PIK3C2G: variants seen among roughly 807,000 people sequenced by gnomAD.
PIK3C2G encodes phosphatidylinositol-4-phosphate 3-kinase catalytic subunit type 2 gamma.
Under a neutral mutation model 181.1 loss-of-function variants are expected in PIK3C2G, and 168 were observed. The ratio of observed to expected loss-of-function variants is 0.93; its 90% CI spans 0.82 to 1.05. The LOEUF (loss-of-function observed/expected upper bound fraction) is 1.05, where lower values mean the gene tolerates loss of function less well. Ranked by LOEUF, PIK3C2G falls within the 50% of genes least tolerant of loss-of-function variation. The pLI is 0.00. For missense variants in PIK3C2G, 1,869 were observed against 1,732.8 expected (o/e 1.08, Z -1.40); for synonymous variants, 573 against 592.2 (o/e 0.97, Z 0.47).
the PIK3C2G span, among the ~76,000 whole-genome samples, chr12:18,656,420 G>A: frequency 6.6e-6 from 1 of 152,058 alleles, no homozygotes; most frequent in Non-Finnish European, 1.5e-5. Context: ...ACAAAAATTA[G>A]CTGGGCATGG....
downstream of PIK3C2G, among the ~76,000 whole-genome samples, chr12:18,650,704 G>GTGTATATATATA (rs1950446696): frequency 1.7e-5 from 1 of 57,762 alleles, no homozygotes; most frequent in Non-Finnish European, 4.0e-5. Context: ...GTGTGTGTGT[G>GTGTATATATATA]TATATATCTA....
In PIK3C2G at chr12:18,282,131, A is replaced by G; in HGVS notation, c.50A>G (p.Lys17Arg). The G allele has an allele frequency of 6.2e-7, 1 of 1,608,674 alleles. No homozygotes were observed. Among genetic ancestry groups the G allele is most frequent in the Middle Eastern group, 1.7e-4 (1 of 6,056 alleles). Reference protein sequence around the residue: ...TDPNPNESHEKQYEHQEFLFV... With the variant: ...TDPNPNESHERQYEHQEFLFV... ...CCAAATCCTAATGAATCACACGAAA[A>G]GCAGTATGAACACCAAGAATTTCTC... The change falls in exon 2 of 33, where the codon AAG (lysine) becomes AGG (arginine). Residue 17 changes from lysine (K) to arginine (R), a missense_variant. Lys to Arg is a conservative substitution (Grantham distance 26). Transcript: ENST00000538779.
At chr12:18,636,762 A>ACC (rs1949622414) in intron 31 of PIK3C2G, among the ~76,000 whole-genome samples, 1 of 152,016 alleles carries the variant, frequency 6.6e-6, no homozygotes, top group East Asian at 1.9e-4. Context: ...TTCACCCCCA[A>ACC]CCCCTGTGTC....
Position 18,562,789 on chromosome 12 carries a change from C to A in PIK3C2G, c.3677C>A (p.Ala1226Asp). 6.2e-7 allele frequency: 1 copy of A among 1,607,708 alleles called. No individual in the cohort carries two copies. The highest frequency in any genetic ancestry group is 8.5e-7 in the Non-Finnish European group (1 of 1,176,310). The change falls in exon 27 of 33, where the codon GCC (alanine) becomes GAC (aspartate). Residue 1226 changes from alanine to aspartate, a missense_variant. Coordinates refer to ENST00000538779, the MANE Select transcript of PIK3C2G (RefSeq NM_001288772.2). The stretch of plus-strand genomic sequence containing the variant: ...GCACAAATGTCAGCCATAAGCCCTG[C>A]CAAATCTACTTCACAGACTTTTCCT... ...TLAQMSAISP[A>D]KSTSQTFPQE... is the part of the protein sequence containing the mutation.
chr12:18,308,501 T>TA (rs58763741), intron 5 of PIK3C2G, among the ~76,000 whole-genome samples: 5,943 of 148,680 alleles, frequency 0.04, 397 homozygotes, highest in African/African-American at 0.13. Context: ...TAAAATATAG[T>TA]AAAAAAAAAA....
chr12:18,577,599 A>C (rs772387251), intron 29 of PIK3C2G, among the ~76,000 whole-genome samples: 14 of 152,206 alleles, frequency 9.2e-5, no homozygotes, highest in Non-Finnish European at 1.9e-4. Flanking sequence ...AAATACTCCA[A>C]GTGAGAATAT....
chr12:18,303,623 C>A (rs1300517712), intron 5 of PIK3C2G, among the ~76,000 whole-genome samples: 1 of 152,158 alleles, frequency 6.6e-6, no homozygotes, highest in Non-Finnish European at 1.5e-5. Flanking sequence ...CTGCCACACC[C>A]AGCCTAAGTA....
chr12:18,617,701 C>CA (rs1201179485), intron 31 of PIK3C2G, among the ~76,000 whole-genome samples: 1 of 152,092 alleles, frequency 6.6e-6, no homozygotes, highest in Non-Finnish European at 1.5e-5. Flanking sequence ...CCTGGCTCAT[C>CA]AAAAACAGTT....
At chr12:18,432,868 T>A (rs900253890) in intron 18 of PIK3C2G, among the ~76,000 whole-genome samples, 4 of 152,178 alleles carry the variant, frequency 2.6e-5, no homozygotes, top group Non-Finnish European at 4.4e-5. Flanking sequence ...TCATGCCCAA[T>A]TCAGATTTCT....
At chr12:18,442,626 G>C (rs1319634468) in intron 18 of PIK3C2G, among the ~76,000 whole-genome samples, 1 of 152,098 alleles carries the variant, frequency 6.6e-6, no homozygotes, top group Non-Finnish European at 1.5e-5. Context: ...TAAAAGGAGA[G>C]AGGAGTAGCC....
chr12:18,393,757 C>T (rs1943690187), intron 15 of PIK3C2G, among the ~76,000 whole-genome samples: 1 of 152,046 alleles, frequency 6.6e-6, no homozygotes, highest in Non-Finnish European at 1.5e-5. Flanking sequence ...TGAGGTAAGC[C>T]TTGGGATTAA....
intron 18 of PIK3C2G, among the ~76,000 whole-genome samples, chr12:18,454,094 C>T (rs988101654): frequency 2.6e-4 from 39 of 152,044 alleles, no homozygotes; most frequent in African/African-American, 8.7e-4. Flanking sequence ...CATTCATCTG[C>T]TTCTTTAGTT....
intron 31 of PIK3C2G, among the ~76,000 whole-genome samples, chr12:18,611,577 G>C (rs981068159): frequency 6.6e-6 from 1 of 152,058 alleles, no homozygotes; most frequent in Non-Finnish European, 1.5e-5. Context: ...AACAACTCTA[G>C]TATAAGTATA....
chr12:18,513,815 T>G (rs561831203), intron 24 of PIK3C2G, among the ~76,000 whole-genome samples: 1 of 151,902 alleles, frequency 6.6e-6, no homozygotes, highest in South Asian at 2.1e-4. Flanking sequence ...ACTGTGTGAT[T>G]TTTTTTCTGT....
At chr12:18,629,715 A>G (rs185836189) in intron 31 of PIK3C2G, among the ~76,000 whole-genome samples, 57 of 152,282 alleles carry the variant, frequency 3.7e-4, no homozygotes, top group African/African-American at 1.2e-3. Flanking sequence ...ACTCCTGATT[A>G]GCCACAAAAT....
rs1949876270 is a variant in PIK3C2G, at chr12:18,295,066, AT to A, written c.1034+1052del. Among the ~76,000 whole-genome samples the A allele has an allele frequency of 4.0e-5, 6 of 149,992 alleles. No homozygotes were observed. In the South Asian group the frequency reaches 1.2e-3, roughly 31 times the overall value. On this transcript the variant is annotated intron_variant, in intron 5 of 32. Coordinates refer to ENST00000538779, the MANE Select transcript of PIK3C2G (RefSeq NM_001288772.2). ...TATTATTTATTATTTTAATAACAAA[AT>A]ATATTGTATTAAAATAATATTTCAA...
At chr12:18,294,891 T>G (rs1949866403) in intron 5 of PIK3C2G, among the ~76,000 whole-genome samples, 1 of 151,894 alleles carries the variant, frequency 6.6e-6, no homozygotes. Context: ...GTCATTATTA[T>G]TCCATCATGA....
intron 30 of PIK3C2G, among the ~76,000 whole-genome samples, chr12:18,600,633 C>T (rs1310014539): frequency 6.6e-6 from 1 of 151,696 alleles, no homozygotes; most frequent in Non-Finnish European, 1.5e-5. Flanking sequence ...AAGAATTAAC[C>T]ATAGAAAGAT....
At position 18,567,169 on chromosome 12, in the gene PIK3C2G, G is replaced by A. The variant is rs138191579; in HGVS notation, c.4011+112G>A. The A allele has an allele frequency of 4.3e-4, 257 of 601,358 alleles. 1 individual carries two copies. Among genetic ancestry groups the A allele is most frequent in the East Asian group, 3.1e-3 (106 of 33,912 alleles). 37.3% of individuals were successfully genotyped at this position (601,358 alleles called of 1,614,324 possible). ...TGCCAGTACTTTGGGAGGTCAAGGT[G>A]GGATGATTGCTTAAAGCCAGGAGTT... On this transcript the variant is annotated intron_variant, in intron 29 of 32. Transcript: ENST00000538779.
Sources: allele counts gnomAD v4.1 joint callset (sites outside exome capture counted in the v4.1 genomes callset), GRCh38; gene constraint gnomAD v4.1.1; transcripts MANE v1.5; gene names NCBI Gene and HGNC (gene_info 2026-07-23, HGNC 2026-07-21).